Variants in NRXN1 observed in about 807,000 individuals in gnomAD.
NRXN1 encodes the protein neurexin-1.
NRXN1 carries 39 observed loss-of-function variants against 150.9 expected under a neutral mutation model. That is an observed-to-expected ratio of 0.26 (90% CI 0.20 to 0.34). The LOEUF is 0.34. NRXN1 is among the 10% of genes least tolerant of loss of function. The pLI is 1.00. For synonymous variants in NRXN1, 924 were observed against 757.0 expected (o/e 1.22, Z -3.62); for missense variants, 1,815 against 1,949.9 (o/e 0.93, Z 1.30).
intron 21 of NRXN1, among the ~76,000 whole-genome samples, chr2:49,964,468 T>C (rs1209485941): frequency 2.0e-5 from 3 of 151,802 alleles, no homozygotes; most frequent in African/African-American, 7.3e-5. Flanking sequence ...TAATGCCAGC[T>C]ACTCGGGAGG....
intron 5 of NRXN1, among the ~76,000 whole-genome samples, chr2:50,797,198 T>C (rs1706954530): frequency 6.6e-6 from 1 of 152,192 alleles, no homozygotes; most frequent in Non-Finnish European, 1.5e-5. Flanking sequence ...TTTTCCTGAT[T>C]GGTTCATAAT....
intron 18 of NRXN1, among the ~76,000 whole-genome samples, chr2:50,127,689 G>T (rs1305961097): frequency 6.6e-6 from 1 of 152,114 alleles, no homozygotes; most frequent in Middle Eastern, 3.2e-3. Flanking sequence ...AAGTCTTGTG[G>T]CTATGCTGTA....
chr2:50,539,164 C>A (rs1195278496), intron 9 of NRXN1, among the ~76,000 whole-genome samples: 2 of 146,266 alleles, frequency 1.4e-5, no homozygotes, highest in African/African-American at 5.2e-5. Flanking sequence ...GATTAACTTA[C>A]ATAGTTTTGT....
At chr2:50,495,243 T>G (rs1444298010) in intron 15 of NRXN1, among the ~76,000 whole-genome samples, 1 of 152,142 alleles carries the variant, frequency 6.6e-6, no homozygotes, top group East Asian at 1.9e-4. Flanking sequence ...ATTATTGACA[T>G]GTTTTCTCAG....
At chr2:49,942,617 A>ATTATTATTATTATT (rs1672196332) in intron 22 of NRXN1, among the ~76,000 whole-genome samples, 1 of 149,662 alleles carries the variant, frequency 6.7e-6, no homozygotes, top group Non-Finnish European at 1.5e-5. Context: ...TTATTATTTT[A>ATTATTATTATTATT]TTATTATTTT....
At chr2:50,408,707 T>C (rs2104031053) in intron 17 of NRXN1, among the ~76,000 whole-genome samples, 2 of 152,224 alleles carry the variant, frequency 1.3e-5, no homozygotes, top group East Asian at 3.9e-4. Flanking sequence ...GAAATGAATT[T>C]ACATTCTACA....
At chr2:49,945,515 C>A (rs1572977434) in intron 21 of NRXN1, among the ~76,000 whole-genome samples, 2 of 151,760 alleles carry the variant, frequency 1.3e-5, no homozygotes, top group Admixed American at 6.6e-5. Context: ...TTAGGTATTT[C>A]TCCTAATGCT....
Position 50,236,811 on chromosome 2 carries a change from C to T in NRXN1, c.3524G>A (p.Gly1175Asp), listed in dbSNP as rs1310089431. The T allele has an allele frequency of 6.2e-7, 1 of 1,613,154 alleles. No individual in the cohort carries two copies. Among genetic ancestry groups the T allele is most frequent in the Non-Finnish European group, 8.5e-7 (1 of 1,179,538 alleles). Residue 1175 changes from glycine (G) to aspartate (D), a missense_variant, in exon 18 of 23, where the codon GGT (glycine) becomes GAT (aspartate). This residue lies in a region of NRXN1 where 339 missense variants were observed against 440.3 expected (regional missense o/e 0.77). Transcript: ENST00000401669. ...LVRVDSSSGL[G>D]DYLELHIHQG... ...TACTATATGCAGTTCTAGGTAGTCA[C>T]CCAAGCCTGAAGAACTGTCCACTCG...
rs191190500 is a variant in NRXN1 at position 50,629,368 on chromosome 2, A to G, written c.833-5753T>C. ...TTAGCTAAAAAAAATGCCTGACACAAAAGAGAACATAGTTCTGATTCCATT... is the reference window on the plus strand; with the variant it reads ...TTAGCTAAAAAAAATGCCTGACACAGAAGAGAACATAGTTCTGATTCCATT... On this transcript the variant is annotated intron_variant, in intron 5 of 22. Coordinates refer to ENST00000401669, the MANE Select transcript of NRXN1 (RefSeq NM_001330078.2). Among the ~76,000 whole-genome samples the G allele has an allele frequency of 7.2e-4, 110 of 151,796 alleles. No individual in the cohort carries two copies. The East Asian group carries it at 0.018, about 24-fold the overall frequency.
chr2:50,172,431 T>G, intron 18 of NRXN1, among the ~76,000 whole-genome samples: 1 of 152,016 alleles, frequency 6.6e-6, no homozygotes, highest in Admixed American at 6.6e-5. Context: ...AGGGCAAAAG[T>G]CCTAACATCA....
intron 8 of NRXN1, among the ~76,000 whole-genome samples, chr2:50,582,097 G>A (rs772338759): frequency 2.6e-5 from 4 of 152,016 alleles, no homozygotes; most frequent in African/African-American, 9.7e-5. Context: ...GTTAATAACC[G>A]GGAAGATTTG....
At chr2:50,732,462 G>T (rs1698220217) in intron 5 of NRXN1, among the ~76,000 whole-genome samples, 1 of 152,090 alleles carries the variant, frequency 6.6e-6, no homozygotes, top group Non-Finnish European at 1.5e-5. Context: ...ACCAAGCAAA[G>T]CAATGCGGTC....
chr2:50,661,482 C>T (rs532763091), intron 5 of NRXN1, among the ~76,000 whole-genome samples: 8 of 152,194 alleles, frequency 5.3e-5, no homozygotes, highest in East Asian at 1.9e-4. Context: ...TCCTCTGCCA[C>T]ATTGCTCAAC....
At chr2:50,148,143 T>C (rs947909318) in intron 18 of NRXN1, among the ~76,000 whole-genome samples, 6 of 151,604 alleles carry the variant, frequency 4.0e-5, no homozygotes, top group Admixed American at 6.6e-5. Flanking sequence ...CTGATGATGA[T>C]CTGGTATCTG....
Position 50,623,380 on chromosome 2 carries a change from C to T in NRXN1, c.1068G>A (p.Glu356=). 4.3e-6 allele frequency: 7 copies of T among 1,613,438 alleles called. No individual in the cohort carries two copies. The highest frequency in any genetic ancestry group is 5.9e-6 in the Non-Finnish European group (7 of 1,179,548). ...LGSGAFEALV[E]PVNGKFNDNA... Reference sequence around the variant, plus strand: ...TATCATTAAACTTTCCATTCACAGGCTCCACTAGTGCTTCAAAGGCCCCTG... The same window carrying T: ...TATCATTAAACTTTCCATTCACAGGTTCCACTAGTGCTTCAAAGGCCCCTG... The change falls in exon 6 of 23, where the codon GAG becomes GAA. Residue 356 remains glutamate, a synonymous_variant. Transcript: ENST00000401669.
chr2:50,019,345 T>A (rs1360883013), intron 21 of NRXN1: 2 of 470,892 alleles, frequency 4.2e-6, no homozygotes, highest in Non-Finnish European at 8.8e-6. Flanking sequence ...GGAAATTTAG[T>A]ACTTAAGAGC....
intron 17 of NRXN1, among the ~76,000 whole-genome samples, chr2:50,305,240 C>T (rs1217291938): frequency 1.3e-5 from 2 of 152,068 alleles, no homozygotes; most frequent in South Asian, 4.1e-4. Flanking sequence ...GAAACAGAAA[C>T]GAGTTACAGA....
In NRXN1 at chr2:49,937,402, A is replaced by G. The variant is rs559331384; in HGVS notation, c.4216+6302T>C. ...CCTTGCCTGTTTAACTTTGTTCAATATAATTTTTATTCTGACATTACTGCC... is the reference window on the plus strand; with the variant it reads ...CCTTGCCTGTTTAACTTTGTTCAATGTAATTTTTATTCTGACATTACTGCC... On this transcript the variant is annotated intron_variant, in intron 22 of 22. Coordinates refer to ENST00000401669, the MANE Select transcript of NRXN1 (RefSeq NM_001330078.2). Among the ~76,000 whole-genome samples the G allele has an allele frequency of 1.3e-4, 20 of 152,350 alleles. No homozygotes were observed. The South Asian group carries it at 3.5e-3, about 27-fold the overall frequency.
At chr2:50,220,741 A>G (rs1256099085) in intron 18 of NRXN1, among the ~76,000 whole-genome samples, 1 of 151,996 alleles carries the variant, frequency 6.6e-6, no homozygotes, top group Non-Finnish European at 1.5e-5. Flanking sequence ...AATGTATATC[A>G]GATTTTTTTT....
Sources: allele counts gnomAD v4.1 joint callset (sites outside exome capture counted in the v4.1 genomes callset), GRCh38; gene constraint gnomAD v4.1.1; regional missense constraint gnomAD v4.1.1; transcripts MANE v1.5; gene names NCBI Gene and HGNC (gene_info 2026-07-23, HGNC 2026-07-21).